UBR3: variants seen among roughly 807,000 people sequenced by gnomAD.
The protein encoded by UBR3 is E3 ubiquitin-protein ligase UBR3.
In UBR3, 85 loss-of-function variants were observed where a neutral mutation model predicts 243.2. That is an observed-to-expected ratio of 0.35 (90% CI 0.29 to 0.42). UBR3 has a LOEUF of 0.42. UBR3 is among the 10% of genes least tolerant of loss of function. The pLI is 1.00. For missense variants in UBR3, 1,686 were observed against 2,300.8 expected, an observed-to-expected ratio of 0.73 and a Z score of 5.47; for synonymous variants, 748 against 799.8, an observed-to-expected ratio of 0.94 and a Z score of 1.09.
chr2:169,906,224 G>T lies in UBR3; in HGVS notation c.1779+60G>T. 4 of 1,493,868 alleles carry T rather than the reference G, an allele frequency of 2.7e-6. No homozygotes were observed. The South Asian group carries it at 4.0e-5, about 15-fold the overall frequency. 92.5% of individuals were successfully genotyped at this position (1,493,868 alleles called of 1,614,324 possible). The stretch of plus-strand genomic sequence containing the variant: ...TAAGAAAAAGACTTGTGAAAATATT[G>T]GTTTGTTCATTTGTATATAATGTGC... On this transcript the variant is annotated intron_variant, in intron 10 of 38. Transcript: ENST00000272793.
chr2:169,949,323 A>C (rs1275435891), intron 22 of UBR3, among the ~76,000 whole-genome samples: 1 of 152,112 alleles, frequency 6.6e-6, no homozygotes, highest in Non-Finnish European at 1.5e-5. Context: ...GATTCTCTTT[A>C]ATATGGCTGT....
intron 8 of UBR3, among the ~76,000 whole-genome samples, chr2:169,897,449 GTGTATATA>G (rs905272629): frequency 1.8e-4 from 28 of 151,672 alleles, no homozygotes; most frequent in Middle Eastern, 6.8e-3. Context: ...ATGTATATGT[GTGTATATA>G]TGTATATATG....
At chr2:170,038,819 C>T (rs2090894162) in intron 31 of UBR3, among the ~76,000 whole-genome samples, 1 of 152,024 alleles carries the variant, frequency 6.6e-6, no homozygotes, top group South Asian at 2.1e-4. Context: ...TAGGTTGGTG[C>T]ATTGCTTTTA....
Position 169,947,546 on chromosome 2 carries a change from C to T in UBR3, c.2915C>T (p.Ser972Leu). 6.8e-7 allele frequency: 1 copy of T among 1,472,232 alleles called. No homozygotes were observed. Among genetic ancestry groups the T allele is most frequent in the Non-Finnish European group, 9.0e-7 (1 of 1,109,748 alleles). The allele number at this position is 1,472,232 out of a possible 1,614,324, so 91.2% of individuals were successfully genotyped here. A position where few individuals can be genotyped will look rare whatever the true frequency, so the allele number is the denominator to read the frequency against. The change falls in exon 22 of 39, where the codon TCA becomes TTA. Residue 972 changes from serine to leucine, a missense_variant. Ser to Leu is a moderately radical substitution (Grantham distance 145, BLOSUM62 -2). Coordinates refer to ENST00000272793, the MANE Select transcript of UBR3 (RefSeq NM_172070.4). ...SAEEESDEEA[S>L]VGGPERCHDS... ...TCATTTTTTTTTTTATTTTAGGCATCAGTGGGTGGACCAGAACGTTGTCAT... is the reference window on the plus strand; with the variant it reads ...TCATTTTTTTTTTTATTTTAGGCATTAGTGGGTGGACCAGAACGTTGTCAT...
intron 30 of UBR3, among the ~76,000 whole-genome samples, chr2:170,026,321 AT>A (rs1396825213): frequency 6.6e-6 from 1 of 152,148 alleles, no homozygotes; most frequent in Non-Finnish European, 1.5e-5. Context: ...TAGTTGTAAT[AT>A]CTAGTTTTAG....
At chr2:169,841,813 C>A (rs2082301845) in intron 1 of UBR3, among the ~76,000 whole-genome samples, 2 of 152,250 alleles carry the variant, frequency 1.3e-5, no homozygotes, top group Admixed American at 1.3e-4. Context: ...CCTAAGCCTC[C>A]CACCCACTCC....
At chr2:170,036,857 A>G (rs185831468) in intron 31 of UBR3, among the ~76,000 whole-genome samples, 29 of 152,240 alleles carry the variant, frequency 1.9e-4, no homozygotes, top group Admixed American at 7.2e-4. Context: ...AGCCAGATCA[A>G]TCAGACCTTA....
chr2:169,871,215 G>A (rs1287350922), intron 1 of UBR3, among the ~76,000 whole-genome samples: 1 of 151,722 alleles, frequency 6.6e-6, no homozygotes, highest in African/African-American at 2.4e-5. Context: ...ACTTTGGGAG[G>A]TCAAGGCTGG....
At chr2:169,853,096 T>C (rs1244809108) in intron 1 of UBR3, among the ~76,000 whole-genome samples, 1 of 152,196 alleles carries the variant, frequency 6.6e-6, no homozygotes, top group Admixed American at 6.5e-5. Flanking sequence ...AGCCTAAATA[T>C]AACTAACACA....
chr2:170,001,359 C>T lies in UBR3; in HGVS notation c.3974C>T (p.Thr1325Ile). ...IGWEGGVYVQ[T>I]CGHTLHIDCH... The stretch of plus-strand genomic sequence containing the variant: ...TGGGAAGGAGGTGTTTATGTACAAA[C>T]CTGTGGTCACACATTACATATAGAT... Residue 1325 changes from threonine to isoleucine, a missense_variant, in exon 27 of 39, where the codon ACC (threonine) becomes ATC (isoleucine). Thr to Ile is a moderately conservative substitution (Grantham distance 89, BLOSUM62 -1). Coordinates refer to ENST00000272793, the MANE Select transcript of UBR3 (RefSeq NM_172070.4). 6.2e-7 allele frequency: 1 copy of T among 1,613,774 alleles called. No individual in the cohort carries two copies. Among genetic ancestry groups the T allele is most frequent in the Non-Finnish European group, 8.5e-7 (1 of 1,179,850 alleles).
intron 1 of UBR3, among the ~76,000 whole-genome samples, chr2:169,842,587 G>C (rs1004951600): frequency 1.3e-5 from 2 of 152,200 alleles, no homozygotes; most frequent in East Asian, 3.9e-4. Flanking sequence ...CTTCACTCCT[G>C]AGCCCAGCGA....
chr2:169,944,241 A>G (rs530098624), intron 20 of UBR3, among the ~76,000 whole-genome samples: 2 of 152,300 alleles, frequency 1.3e-5, no homozygotes, highest in African/African-American at 4.8e-5. Context: ...CTTATAAGTG[A>G]AAGTTCTGTT....
Position 170,082,508 on chromosome 2 carries a change from CTGT to C in UBR3, c.*667_*669del, listed in dbSNP as rs2091922814. The C allele has an allele frequency of 1.4e-5, 2 of 142,998 alleles. No individual in the cohort carries two copies. The highest frequency in any genetic ancestry group is 2.7e-5 in the African/African-American group (1 of 37,592). 8.9% of individuals were successfully genotyped at this position (142,998 alleles called of 1,614,324 possible). A position where few individuals can be genotyped will look rare whatever the true frequency, so the allele number is the denominator to read the frequency against. ...TAGCTGTAAAATAAGTAGATAGCTGCTGTTAATATAATACAGTACATTTTGGGG... is the reference window on the plus strand; with the variant it reads ...TAGCTGTAAAATAAGTAGATAGCTGCTAATATAATACAGTACATTTTGGGG... On this transcript the variant is annotated 3_prime_UTR_variant, in exon 39 of 39. Transcript: ENST00000272793.
At chr2:169,898,574 G>A (rs2084680651) in intron 8 of UBR3, among the ~76,000 whole-genome samples, 1 of 151,282 alleles carries the variant, frequency 6.6e-6, no homozygotes, top group Non-Finnish European at 1.5e-5. Flanking sequence ...TTCAAAGCCT[G>A]TACTCTTTCT....
intron 22 of UBR3, 120 bp downstream of exon 22, chr2:169,947,835 T>A: frequency 1.6e-6 from 2 of 1,244,554 alleles, no homozygotes; most frequent in Non-Finnish European, 2.0e-6. Flanking sequence ...TAACTTTAAA[T>A]TGTCTTTTAT....
rs954818702 is a variant in UBR3 at position 169,928,850 on chromosome 2, G to A, written c.2548G>A (p.Gly850Ser). Residue 850 changes from glycine (G) to serine (S), a missense_variant, in exon 18 of 39, where the codon GGC becomes AGC. By Grantham distance (56) the Gly-to-Ser change is moderately conservative. This residue lies in a region of UBR3 where 346 missense variants were observed against 585.8 expected (regional missense o/e 0.59). Coordinates refer to ENST00000272793, the MANE Select transcript of UBR3 (RefSeq NM_172070.4). ...TGAACCTGGAGGTTCTATGCAACAA[G>A]GCATGTATACTCCCAAAGGTATGTT... Reference protein sequence around the residue: ...VFEPGGSMQQGMYTPKAEVWD... With the variant: ...VFEPGGSMQQSMYTPKAEVWD... The A allele has an allele frequency of 6.8e-7, 1 of 1,481,204 alleles. No homozygotes were observed. The highest frequency in any genetic ancestry group is 9.1e-7 in the Non-Finnish European group (1 of 1,099,062). The allele number at this position is 1,481,204 out of a possible 1,614,324, so 91.8% of individuals were successfully genotyped here.
intron 25 of UBR3, among the ~76,000 whole-genome samples, chr2:169,988,173 T>A (rs1469838351): frequency 6.6e-6 from 1 of 152,228 alleles, no homozygotes; most frequent in Non-Finnish European, 1.5e-5. Context: ...TTTATTAGAT[T>A]ATTGCCAATT....
At chr2:169,888,282 G>A (rs930173708) in intron 5 of UBR3, among the ~76,000 whole-genome samples, 20 of 151,900 alleles carry the variant, frequency 1.3e-4, no homozygotes, top group African/African-American at 4.8e-4. Flanking sequence ...GGGATTATAG[G>A]TGCCTGCCAC....
At position 169,836,063 on chromosome 2, in the gene UBR3, A is replaced by ATTTTTTTTT. The variant is rs1558999048; in HGVS notation, c.545+8012_545+8013insTTTTTTTTT. ...TCTCTCTATATATATATATATATAT[A>ATTTTTTTTT]TATATTTTTTTTTTTTTTTTTTTTT... On this transcript the variant is annotated intron_variant, in intron 1 of 38. Transcript: ENST00000272793. Among the ~76,000 whole-genome samples, 7 of 26,612 alleles carry ATTTTTTTTT rather than the reference A, an allele frequency of 2.6e-4. 2 individuals carry two copies. The highest frequency in any genetic ancestry group is 3.1e-4 in the Non-Finnish European group (4 of 12,702). The allele number at this position is 26,612 out of a possible 152,430, so 17.5% of individuals were successfully genotyped here. A position where few individuals can be genotyped will look rare whatever the true frequency, so the allele number is the denominator to read the frequency against.
Sources: allele counts gnomAD v4.1 joint callset (sites outside exome capture counted in the v4.1 genomes callset), GRCh38; gene constraint gnomAD v4.1.1; regional missense constraint gnomAD v4.1.1; transcripts MANE v1.5; gene names NCBI Gene and HGNC (gene_info 2026-07-23, HGNC 2026-07-21).